Variants in LUZP2 observed in about 807,000 individuals in gnomAD.
LUZP2 encodes the protein leucine zipper protein 2.
LUZP2 carries 52 observed loss-of-function variants against 51.6 expected under a neutral mutation model. That is an observed-to-expected ratio of 1.01 (90% confidence interval 0.81 to 1.27). The LOEUF (loss-of-function observed/expected upper bound fraction) is 1.27. Among genes scored for constraint, LUZP2 ranks in the 50% most tolerant of loss-of-function variants. LUZP2 has a pLI of 0.00. For missense variants in LUZP2, 436 were observed against 395.4 expected (o/e 1.10, Z -0.87); for synonymous variants, 154 against 137.3 (o/e 1.12, Z -0.85).
intron 1 of LUZP2, among the ~76,000 whole-genome samples, chr11:24,604,129 C>A (rs906960016): frequency 1.3e-5 from 2 of 151,820 alleles, no homozygotes; most frequent in Non-Finnish European, 1.5e-5. Flanking sequence ...ACTCTGACCA[C>A]CCCCAGCATA....
chr11:24,695,928 A>G (rs929183257), intron 1 of LUZP2, among the ~76,000 whole-genome samples: 4 of 152,044 alleles, frequency 2.6e-5, no homozygotes, highest in Non-Finnish European at 5.9e-5. Flanking sequence ...ATGGGAAAAT[A>G]AGGCATTTAA....
chr11:24,861,836 C>T (rs984292241), intron 5 of LUZP2, among the ~76,000 whole-genome samples: 5 of 152,180 alleles, frequency 3.3e-5, no homozygotes, highest in Non-Finnish European at 7.4e-5. Flanking sequence ...GTTGGAGTTT[C>T]TCACATAGTT....
intron 7 of LUZP2, among the ~76,000 whole-genome samples, chr11:24,961,775 T>C: frequency 6.6e-6 from 1 of 151,100 alleles, no homozygotes; most frequent in Non-Finnish European, 1.5e-5. Context: ...TATGTGTGAA[T>C]TTGATCCTGT....
At chr11:24,670,961 CT>C (rs775261532) in intron 1 of LUZP2, among the ~76,000 whole-genome samples, 40 of 151,680 alleles carry the variant, frequency 2.6e-4, no homozygotes, top group Non-Finnish European at 4.9e-4. Flanking sequence ...TTTTCATTTT[CT>C]TTTAAAGCTA....
At chr11:24,918,460 G>C (rs980911962) in intron 7 of LUZP2, among the ~76,000 whole-genome samples, 2 of 151,586 alleles carry the variant, frequency 1.3e-5, no homozygotes, top group Non-Finnish European at 2.9e-5. Context: ...CAGTAGGTTT[G>C]CACATGATTA....
intron 1 of LUZP2, among the ~76,000 whole-genome samples, chr11:24,717,755 C>T (rs1427828321): frequency 6.6e-6 from 1 of 152,042 alleles, no homozygotes; most frequent in Non-Finnish European, 1.5e-5. Flanking sequence ...TCCTCCCTCC[C>T]TTCACCCTCC....
intron 1 of LUZP2, among the ~76,000 whole-genome samples, chr11:24,583,934 G>C (rs886398550): frequency 1.3e-5 from 2 of 151,102 alleles, no homozygotes; most frequent in Admixed American, 1.3e-4. Context: ...GGATGGTCTC[G>C]ATCTCCTGAC....
chr11:24,997,389 C>A (rs1388597552), intron 9 of LUZP2, among the ~76,000 whole-genome samples: 497 of 152,152 alleles, frequency 3.3e-3, no homozygotes, highest in African/African-American at 8.5e-3. Flanking sequence ...GCATTTTTTC[C>A]TGTGTTTTTT....
chr11:24,550,907 C>T (rs1381505621), intron 1 of LUZP2, among the ~76,000 whole-genome samples: 2 of 152,002 alleles, frequency 1.3e-5, no homozygotes, highest in Admixed American at 6.6e-5. Context: ...GGGGCCACTG[C>T]ACTCCATCCT....
At chr11:24,995,621 G>A (rs1333199031) in intron 9 of LUZP2, among the ~76,000 whole-genome samples, 1 of 151,268 alleles carries the variant, frequency 6.6e-6, no homozygotes, top group Non-Finnish European at 1.5e-5. Context: ...TTTAAATTTA[G>A]TAGATTAAAA....
At chr11:25,077,719 A>G (rs112179424) in intron 11 of LUZP2, among the ~76,000 whole-genome samples, 1 of 151,532 alleles carries the variant, frequency 6.6e-6, no homozygotes, top group Non-Finnish European at 1.5e-5. Flanking sequence ...GATGGTCTCG[A>G]TTTCCTGACC....
chr11:24,652,763 G>T (rs186067354), intron 1 of LUZP2, among the ~76,000 whole-genome samples: 1 of 152,022 alleles, frequency 6.6e-6, no homozygotes, highest in Middle Eastern at 3.4e-3. Flanking sequence ...ATAATAAATC[G>T]TAGTAAATAT....
At chr11:24,901,937 A>G (rs555410432) in intron 5 of LUZP2, among the ~76,000 whole-genome samples, 2 of 152,184 alleles carry the variant, frequency 1.3e-5, no homozygotes, top group Non-Finnish European at 2.9e-5. Context: ...TCATTTTACA[A>G]GTAAACATGA....
intron 4 of LUZP2, among the ~76,000 whole-genome samples, chr11:24,757,511 T>C (rs1590462596): frequency 1.3e-5 from 2 of 152,008 alleles, no homozygotes; most frequent in East Asian, 3.9e-4. Flanking sequence ...TAAATACATT[T>C]TCAGTTAAAT....
chr11:24,509,996 T>A (rs1487274520), intron 1 of LUZP2, among the ~76,000 whole-genome samples: 6 of 152,340 alleles, frequency 3.9e-5, no homozygotes, highest in East Asian at 1.9e-4. Flanking sequence ...AGTGTTTTAA[T>A]TTTAATTGTT....
intron 2 of LUZP2, 31 bp downstream of exon 2, chr11:24,729,317 A>G (rs772373383): frequency 8.4e-7 from 1 of 1,183,736 alleles, no homozygotes; most frequent in Non-Finnish European, 1.2e-6. Flanking sequence ...CCGAGCAGTA[A>G]AAGAGGAGCA....
At chr11:24,785,943 G>C in intron 5 of LUZP2, 1 of 985,270 alleles carries the variant, frequency 1.0e-6, no homozygotes, top group Non-Finnish European at 1.2e-6. Flanking sequence ...CTTCCTACAA[G>C]CAGTCACCAA....
At chr11:24,808,361 A>G (rs1590566548) in intron 5 of LUZP2, among the ~76,000 whole-genome samples, 1 of 152,240 alleles carries the variant, frequency 6.6e-6, no homozygotes, top group African/African-American at 2.4e-5. Context: ...TGGATTTGCA[A>G]TGAACTCGAT....
intron 4 of LUZP2, among the ~76,000 whole-genome samples, chr11:24,739,293 G>T (rs762685127): frequency 6.6e-6 from 1 of 152,018 alleles, no homozygotes; most frequent in East Asian, 1.9e-4. Flanking sequence ...TGGCTTTGGG[G>T]CATAGCAGCT....
Sources: gnomAD v4.1 joint callset for allele counts (sites outside exome capture counted in the v4.1 genomes callset) on GRCh38, gnomAD v4.1.1 for gene constraint, MANE v1.5 for transcripts, NCBI Gene and HGNC (gene_info 2026-07-23, HGNC 2026-07-21) for gene names.